The following CSPG4 variants were observed in gnomAD, a reference collection of about 807,000 sequenced individuals.
The protein encoded by CSPG4 is chondroitin sulfate proteoglycan 4.
In CSPG4, 74 loss-of-function variants were observed where a neutral mutation model predicts 139.3. The ratio of observed to expected loss-of-function variants is 0.53; its 90% CI spans 0.44 to 0.64. CSPG4 has a LOEUF of 0.64. Ranked by LOEUF, CSPG4 falls within the 30% of genes least tolerant of loss-of-function variation. The pLI is 0.00. For missense variants in CSPG4, 2,565 were observed against 3,148.3 expected (o/e 0.81, Z 4.43); for synonymous variants, 1,234 against 1,394.2 (o/e 0.89, Z 2.56).
chr15:75,696,220 G>T lies in CSPG4; in HGVS notation c.89-2987C>A, dbSNP rs985887378. Among the ~76,000 whole-genome samples, 3 of 152,182 alleles carry T rather than the reference G, an allele frequency of 2.0e-5. No individual in the cohort carries two copies. The highest frequency in any genetic ancestry group is 4.8e-5 in the African/African-American group (2 of 41,438). On this transcript the variant is annotated intron_variant, in intron 1 of 9. Transcript: ENST00000308508. The surrounding 1 kb of genome is among the most constrained non-coding windows in gnomAD (Gnocchi z 4.2). ...CTGACTGTGGGGATTAGTCCTGGGGGTCTCTCCCTGATCTAGGAGTTTGCT... is the reference window on the plus strand; with the variant it reads ...CTGACTGTGGGGATTAGTCCTGGGGTTCTCTCCCTGATCTAGGAGTTTGCT...
At chr15:75,683,287 T>A (rs8028183) in intron 5 of CSPG4, among the ~76,000 whole-genome samples, 2,552 of 152,160 alleles carry the variant, frequency 0.017, 51 homozygotes, top group East Asian at 0.092. Context: ...TCTGCCCTAG[T>A]CCTGTGTGTC....
At position 75,677,104 on chromosome 15, in the gene CSPG4, C is replaced by A; in HGVS notation, c.5415G>T (p.Gln1805His). 1 of 1,413,316 alleles carries A rather than the reference C, an allele frequency of 7.1e-7. No homozygotes were observed. Among genetic ancestry groups the A allele is most frequent in the Non-Finnish European group, 9.3e-7 (1 of 1,079,422 alleles). The allele number at this position is 1,413,316 out of a possible 1,614,324, so 87.5% of individuals were successfully genotyped here. The change falls in exon 10 of 10, where the codon CAG becomes CAT. Residue 1805 changes from glutamine (Q) to histidine (H), a missense_variant. Physicochemically the swap from Gln to His is conservative, Grantham distance 24 (BLOSUM62 0). Coordinates refer to ENST00000308508, the MANE Select transcript of CSPG4 (RefSeq NM_001897.5). Reference sequence around the variant, plus strand: ...CAGCCACGGAGGCCCCTGCTGGCCCCTGGAGGTGGGCACGAAAGTGGAAGC... The same window carrying A: ...CAGCCACGGAGGCCCCTGCTGGCCCATGGAGGTGGGCACGAAAGTGGAAGC... ...QDGFHFRAHLQGPAGASVAGP... is the reference protein window; with the variant it reads ...QDGFHFRAHLHGPAGASVAGP...
chr15:75,675,968 G>A lies in CSPG4; in HGVS notation c.6551C>T (p.Thr2184Met), dbSNP rs139798032. ...ALLSVPEAAR[T>M]EAGKPESSTP... ...GCTGCTCTCTGGCTTCCCTGCTTCC[G>A]TCCGGGCGGCCTCGGGGACACTGAG... Residue 2184 changes from threonine (T) to methionine (M), a missense_variant, in exon 10 of 10, where the codon ACG becomes ATG. Transcript: ENST00000308508. 161 of 1,581,944 alleles carry A rather than the reference G, an allele frequency of 1.0e-4. No individual in the cohort carries two copies. In the African/African-American group the frequency reaches 1.6e-3, roughly 16 times the overall value.
At position 75,690,943 on chromosome 15, in the gene CSPG4, G is replaced by A. The variant is rs191033504; in HGVS notation, c.253-131C>T. 41 of 968,244 alleles carry A rather than the reference G, an allele frequency of 4.2e-5. No individual in the cohort carries two copies. In the African/African-American group the frequency reaches 6.4e-4, roughly 15 times the overall value. The allele number at this position is 968,244 out of a possible 1,614,324, so 60.0% of individuals were successfully genotyped here. ...TAATCCTAGCACTTTGGGAGGCCAA[G>A]GCAGGCGGATCACCTGAGGTTAGGA... On this transcript the variant is annotated intron_variant, in intron 2 of 9. Coordinates refer to ENST00000308508, the MANE Select transcript of CSPG4 (RefSeq NM_001897.5).
intron 3 of CSPG4, among the ~76,000 whole-genome samples, chr15:75,686,443 C>T (rs113931938): frequency 3.3e-5 from 5 of 152,252 alleles, no homozygotes; most frequent in East Asian, 3.9e-4. Flanking sequence ...ACAGAGCTCA[C>T]GCCCCAAAGG....
Position 75,676,539 on chromosome 15 carries a change from C to T in CSPG4, c.5980G>A (p.Gly1994Arg), listed in dbSNP as rs1406907988. The T allele has an allele frequency of 1.2e-5, 19 of 1,613,626 alleles. No homozygotes were observed. The highest frequency in any genetic ancestry group is 4.5e-5 in the East Asian group (2 of 44,884). ...GPQYGHLLVG[G>R]RPTSAFSQFQ... ...TGGCTGAAGGCCGAGGTGGGCCGCC[C>T]GCCCACCAGGAGATGCCCATACTGG... is the stretch of plus-strand genomic sequence containing the variant. The change falls in exon 10 of 10, where the codon GGG (glycine) becomes AGG (arginine). Residue 1994 changes from glycine to arginine, a missense_variant. Physicochemically the swap from Gly to Arg is moderately radical, Grantham distance 125 (BLOSUM62 -2). Around this residue, in one of 5 missense-constraint regions of CSPG4, gnomAD observed 2,316 missense variants for 2,818.2 expected, o/e 0.82. Coordinates refer to ENST00000308508, the MANE Select transcript of CSPG4 (RefSeq NM_001897.5).
chr15:75,712,789 C>G lies in CSPG4; in HGVS notation c.-34G>C, dbSNP rs1395063926. 2.0e-6 allele frequency: 3 copies of G among 1,512,188 alleles called. No individual in the cohort carries two copies. The highest frequency in any genetic ancestry group is 2.7e-6 in the Non-Finnish European group (3 of 1,125,670). 93.7% of individuals were successfully genotyped at this position (1,512,188 alleles called of 1,614,324 possible). A position where few individuals can be genotyped will look rare whatever the true frequency, so the allele number is the denominator to read the frequency against. ...GCTGGGCGGCAGGACTTGCGAGGAG[C>G]CAGCGGAGTCCTGGGAGCTGGGAGC... On this transcript the variant is annotated 5_prime_UTR_variant, in exon 1 of 10. Coordinates refer to ENST00000308508, the MANE Select transcript of CSPG4 (RefSeq NM_001897.5).
Position 75,684,930 on chromosome 15 carries a change from G to A in CSPG4, c.4273-18C>T. 7 of 1,600,318 alleles carry A rather than the reference G, an allele frequency of 4.4e-6. No homozygotes were observed. Among genetic ancestry groups the A allele is most frequent in the Non-Finnish European group, 6.0e-6 (7 of 1,169,134 alleles). On this transcript the variant is annotated intron_variant, in intron 4 of 9. Transcript: ENST00000308508. Reference sequence around the variant, plus strand: ...TCTTCCACCTAGGGGCAGGCCCAGGGCTGGCAGTCAGGCCCCAGCAGCACC... The same window carrying A: ...TCTTCCACCTAGGGGCAGGCCCAGGACTGGCAGTCAGGCCCCAGCAGCACC...
chr15:75,700,125 G>A (rs1038404086), intron 1 of CSPG4, among the ~76,000 whole-genome samples: 2 of 152,190 alleles, frequency 1.3e-5, no homozygotes, highest in South Asian at 2.1e-4. Flanking sequence ...GTGGAGCAGC[G>A]GCAGGGCTGG....
At chr15:75,695,753 G>A (rs1894218813) in intron 1 of CSPG4, among the ~76,000 whole-genome samples, 1 of 152,112 alleles carries the variant, frequency 6.6e-6, no homozygotes, top group Non-Finnish European at 1.5e-5. Context: ...GGACTTCCTG[G>A]AGGAGGTCAC....
chr15:75,676,081 C>G lies in CSPG4; in HGVS notation c.6438G>C (p.Leu2146=), dbSNP rs1893886603. The G allele has an allele frequency of 2.0e-6, 3 of 1,533,132 alleles. No homozygotes were observed. Among genetic ancestry groups the G allele is most frequent in the Non-Finnish European group, 2.6e-6 (3 of 1,143,196 alleles). 95.0% of individuals were successfully genotyped at this position (1,533,132 alleles called of 1,614,324 possible). ...GPAGDSLTLE[L]WAQGVPPAVA... is the part of the protein sequence containing the mutation. The stretch of plus-strand genomic sequence containing the variant: ...CAGCAGGCGGGACGCCCTGTGCCCA[C>G]AGCTCCAGAGTGAGACTGTCACCTG... Residue 2146 remains leucine, a synonymous_variant, in exon 10 of 10, where the codon CTG becomes CTC. Transcript: ENST00000308508.
intron 5 of CSPG4, among the ~76,000 whole-genome samples, 192 bp from the exon 6 acceptor site, chr15:75,683,233 C>T (rs1894004241): frequency 6.6e-6 from 1 of 152,166 alleles, no homozygotes. Context: ...CCAGGGAAGG[C>T]CCCAGGGAAG....
chr15:75,703,680 T>C (rs35648578), intron 1 of CSPG4, among the ~76,000 whole-genome samples: 63,795 of 136,618 alleles, frequency 0.47, 15,776 homozygotes, highest in African/African-American at 0.68. Context: ...CTCTGGCTTG[T>C]TATGGAGTGA....
chr15:75,690,146 T>C lies in CSPG4; in HGVS notation c.919A>G (p.Thr307Ala), dbSNP rs1304418173. The C allele has an allele frequency of 1.2e-6, 2 of 1,612,764 alleles. No individual in the cohort carries two copies. Among genetic ancestry groups the C allele is most frequent in the Admixed American group, 1.7e-5 (1 of 59,970 alleles). ...TAGCTGAGGACTCCTCGGTTCGAAGTATGCGTAGGGTACTGGTCCACGGAG... is the reference window on the plus strand; with the variant it reads ...TAGCTGAGGACTCCTCGGTTCGAAGCATGCGTAGGGTACTGGTCCACGGAG... ...EISVDQYPTH[T>A]SNRGVLSYLE... The change falls in exon 3 of 10, where the codon ACT becomes GCT. Residue 307 changes from threonine (T) to alanine (A), a missense_variant. Physicochemically the swap from Thr to Ala is moderately conservative, Grantham distance 58 (BLOSUM62 0). Around this residue, in one of 5 missense-constraint regions of CSPG4, gnomAD observed 2,316 missense variants for 2,818.2 expected, o/e 0.82. Coordinates refer to ENST00000308508, the MANE Select transcript of CSPG4 (RefSeq NM_001897.5).
intron 1 of CSPG4, among the ~76,000 whole-genome samples, chr15:75,699,561 G>A (rs1894273869): frequency 6.6e-6 from 1 of 152,216 alleles, no homozygotes; most frequent in Non-Finnish European, 1.5e-5. Flanking sequence ...GAGAAGCTGA[G>A]CTTGGTCCAC....
intron 2 of CSPG4, among the ~76,000 whole-genome samples, chr15:75,691,049 C>T (rs1894159883): frequency 6.6e-6 from 1 of 152,194 alleles, no homozygotes; most frequent in Non-Finnish European, 1.5e-5. Context: ...TGGCGCATGC[C>T]TGTAATCCCA....
Position 75,676,493 on chromosome 15 carries a change from T to A in CSPG4, c.6026A>T (p.Glu2009Val). The A allele has an allele frequency of 1.9e-6, 3 of 1,613,926 alleles. No homozygotes were observed. The highest frequency in any genetic ancestry group is 2.5e-6 in the Non-Finnish European group (3 of 1,180,014). Residue 2009 changes from glutamate to valine, a missense_variant, in exon 10 of 10, where the codon GAG becomes GTG. Transcript: ENST00000308508. The stretch of plus-strand genomic sequence containing the variant: ...GAAGTTGGTGAAGGCAAAGACCACC[T>A]CGCCCTGGTCTATCTGGAATTGGCT... ...AFSQFQIDQG[E>V]VVFAFTNFSS...
rs1466585033 is a variant in CSPG4 at position 75,692,995 on chromosome 15, A to C, written c.252+75T>G. ...GTGACTTACACAAGGTCACACAGCC[A>C]GCTGGGGTTCACTCAAAGCTAGAGA... On this transcript the variant is annotated intron_variant, in intron 2 of 9. Transcript: ENST00000308508. 8.7e-6 allele frequency: 6 copies of C among 690,492 alleles called. No homozygotes were observed. In the Admixed American group the frequency reaches 1.7e-4, roughly 19 times the overall value. The allele number at this position is 690,492 out of a possible 1,614,324, so 42.8% of individuals were successfully genotyped here.
At position 75,677,295 on chromosome 15, in the gene CSPG4, G is replaced by A. The variant is rs182397893; in HGVS notation, c.5224C>T (p.Arg1742Cys). Residue 1742 changes from arginine (R) to cysteine (C), a missense_variant, in exon 10 of 10, where the codon CGC becomes TGC. Physicochemically the swap from Arg to Cys is radical, Grantham distance 180. This residue lies in a region of CSPG4 where 2,316 missense variants were observed against 2,818.2 expected (regional missense o/e 0.82). Coordinates refer to ENST00000308508, the MANE Select transcript of CSPG4 (RefSeq NM_001897.5). ...NLLASVPSPQ[R>C]SEHDVLFQVT... ...TGGAAGAGCACATCATGCTCTGAGC[G>A]CTGGGGTGATGGAACGCTGGCCAAG... 1.3e-5 allele frequency: 19 copies of A among 1,461,326 alleles called. No individual in the cohort carries two copies. Among genetic ancestry groups the A allele is most frequent in the African/African-American group, 1.0e-4 (7 of 70,088 alleles). The allele number at this position is 1,461,326 out of a possible 1,614,324, so 90.5% of individuals were successfully genotyped here.
Sources: allele counts gnomAD v4.1 joint callset (sites outside exome capture counted in the v4.1 genomes callset), GRCh38; gene constraint gnomAD v4.1.1; regional missense constraint gnomAD v4.1.1; non-coding constraint Gnocchi (gnomAD v3.1); transcripts MANE v1.5; gene names NCBI Gene and HGNC (gene_info 2026-07-23, HGNC 2026-07-21).